FANK1: variants seen among roughly 807,000 people sequenced by gnomAD.
FANK1 encodes the protein fibronectin type 3 and ankyrin repeat domains protein 1.
Under a neutral mutation model 45.3 loss-of-function variants are expected in FANK1, and 44 were observed. That is an observed-to-expected ratio of 0.97 (90% CI 0.76 to 1.25). FANK1 has a LOEUF of 1.25. Ranked by LOEUF, FANK1 falls within the 50% of genes most tolerant of loss-of-function variation. The pLI is 0.00. For synonymous variants in FANK1, 149 were observed against 152.5 expected (o/e 0.98, Z 0.17); for missense variants, 391 against 424.4 (o/e 0.92, Z 0.69).
intron 1 of FANK1, among the ~76,000 whole-genome samples, chr10:125,928,257 G>T (rs11244704): frequency 7.1e-6 from 1 of 141,696 alleles, no homozygotes; most frequent in Non-Finnish European, 1.5e-5. Flanking sequence ...TGGATTATTC[G>T]TGCCTTTTTT....
chr10:125,989,025 T>A lies in FANK1; in HGVS notation c.316+350T>A, dbSNP rs181667605. 1.4e-3 allele frequency among the ~76,000 whole-genome samples: 215 copies of A among 152,296 alleles called. 2 individuals carry two copies. Among genetic ancestry groups the A allele is most frequent in the African/African-American group, 4.9e-3 (203 of 41,554 alleles). On this transcript the variant is annotated intron_variant, in intron 3 of 10. Coordinates refer to ENST00000368693, the MANE Select transcript of FANK1 (RefSeq NM_145235.5). ...GCCAAGCAGGCTGCCTGCCTGAGCG[T>A]CCTTGGGCAAGCAGCTCCATTCAGT...
chr10:125,994,758 G>T (rs1303785435), intron 3 of FANK1: 1 of 985,094 alleles, frequency 1.0e-6, no homozygotes, highest in Non-Finnish European at 1.2e-6. Context: ...TGTTGGCTTC[G>T]CTGTGGAGCT....
chr10:125,992,935 G>A lies in FANK1; in HGVS notation c.317-2482G>A, dbSNP rs114518220. Among the ~76,000 whole-genome samples, 855 of 152,298 alleles carry A rather than the reference G, an allele frequency of 5.6e-3. 6 individuals are homozygous for A. The highest frequency in any genetic ancestry group is 0.02 in the African/African-American group (816 of 41,558). ...TCTGTATTCAAAATTTGGTAAGAATGGAAGCATATAGTGAACTGGTCGATA... is the reference window on the plus strand; with the variant it reads ...TCTGTATTCAAAATTTGGTAAGAATAGAAGCATATAGTGAACTGGTCGATA... On this transcript the variant is annotated intron_variant, in intron 3 of 10. Transcript: ENST00000368693.
intron 1 of FANK1, among the ~76,000 whole-genome samples, chr10:125,898,897 GT>G (rs201482232): frequency 9.2e-4 from 119 of 128,818 alleles, no homozygotes; most frequent in South Asian, 8.5e-3. Flanking sequence ...AAGTTTTGTT[GT>G]TTTTTTTTTT....
At chr10:125,916,585 T>A (rs1440854618) in intron 1 of FANK1, among the ~76,000 whole-genome samples, 1 of 151,994 alleles carries the variant, frequency 6.6e-6, no homozygotes, top group African/African-American at 2.4e-5. Flanking sequence ...TATCTGCAAA[T>A]GAATAAACAA....
At chr10:125,997,626 G>C in intron 6 of FANK1, 141 bp downstream of exon 6, 1 of 719,148 alleles carries the variant, frequency 1.4e-6, no homozygotes, top group South Asian at 2.0e-5. Flanking sequence ...GCTGAGGAAA[G>C]ATGGTGATCA....
At chr10:125,999,266 C>A (rs1193334797) in intron 6 of FANK1, among the ~76,000 whole-genome samples, 1 of 144,438 alleles carries the variant, frequency 6.9e-6, no homozygotes, top group African/African-American at 2.6e-5. Flanking sequence ...GTGGCGCGAT[C>A]TCAGCCCACT....
At chr10:125,992,106 C>T (rs1453542148) in intron 3 of FANK1, among the ~76,000 whole-genome samples, 1 of 152,190 alleles carries the variant, frequency 6.6e-6, no homozygotes, top group Non-Finnish European at 1.5e-5. Flanking sequence ...TATTCAGTTG[C>T]ACTTATTGAT....
At chr10:125,969,833 C>G (rs535361167) in intron 1 of FANK1, among the ~76,000 whole-genome samples, 7 of 152,154 alleles carry the variant, frequency 4.6e-5, no homozygotes, top group African/African-American at 1.7e-4. Flanking sequence ...TGACTCTTAA[C>G]GAGCATGCTG....
Position 126,009,133 on chromosome 10 carries a change from T to TA in FANK1, c.927+5dup, listed in dbSNP as rs916114941. On this transcript the variant is annotated splice_region_variant and intron_variant, in intron 9 of 10. Coordinates refer to ENST00000368693, the MANE Select transcript of FANK1 (RefSeq NM_145235.5). ...GCAGATGCAAGTGTAAAAAATGAGG[T>TA]AAATGAGTCCATCTTTATGTAAAGA... The TA allele has an allele frequency of 5.0e-6, 8 of 1,614,006 alleles. No homozygotes were observed. The highest frequency in any genetic ancestry group is 6.8e-6 in the Non-Finnish European group (8 of 1,179,974).
In FANK1 at chr10:125,896,599, A is replaced by G. The variant is rs750108408; in HGVS notation, c.-44A>G. On this transcript the variant is annotated 5_prime_UTR_variant, in exon 1 of 11. Transcript: ENST00000368693. ...ACGCCGGCCCTGGCTGAGAGGCGTTAGGAGTCCGGGGGTTCGCCCGCGGAG... is the reference window on the plus strand; with the variant it reads ...ACGCCGGCCCTGGCTGAGAGGCGTTGGGAGTCCGGGGGTTCGCCCGCGGAG... The G allele has an allele frequency of 4.3e-5, 54 of 1,270,380 alleles. No individual in the cohort carries two copies. The African/African-American group carries it at 8.1e-4, about 19-fold the overall frequency. The allele number at this position is 1,270,380 out of a possible 1,614,324, so 78.7% of individuals were successfully genotyped here.
At chr10:125,989,014 C>T (rs1268139885) in intron 3 of FANK1, among the ~76,000 whole-genome samples, 7 of 152,188 alleles carry the variant, frequency 4.6e-5, no homozygotes, top group Non-Finnish European at 1.0e-4. Flanking sequence ...AGCAGGCTGC[C>T]TGCCTGAGCG....
chr10:125,952,463 G>A (rs2134168320), intron 1 of FANK1, among the ~76,000 whole-genome samples: 1 of 152,108 alleles, frequency 6.6e-6, no homozygotes, highest in East Asian at 1.9e-4. Flanking sequence ...TCTGAATAAA[G>A]CTGTTTAAAA....
chr10:125,933,890 C>G (rs1033885720), intron 1 of FANK1, among the ~76,000 whole-genome samples: 1 of 152,008 alleles, frequency 6.6e-6, no homozygotes, highest in African/African-American at 2.4e-5. Context: ...CGTTTTTGAC[C>G]CAGTGCTCAT....
chr10:125,919,675 G>GT (rs938103085), intron 1 of FANK1, among the ~76,000 whole-genome samples: 7 of 152,226 alleles, frequency 4.6e-5, no homozygotes, highest in Admixed American at 2.6e-4. Context: ...AGTCTTTGTG[G>GT]AATACACAGG....
At position 126,002,783 on chromosome 10, in the gene FANK1, T is replaced by TTC. The variant is rs58066128; in HGVS notation, c.540-2101_540-2100insTC. Among the ~76,000 whole-genome samples, 5 of 144,472 alleles carry TTC rather than the reference T, an allele frequency of 3.5e-5. No homozygotes were observed. In the South Asian group the frequency reaches 1.1e-3, roughly 32 times the overall value. 94.8% of individuals were successfully genotyped at this position (144,472 alleles called of 152,430 possible). On this transcript the variant is annotated intron_variant, in intron 6 of 10. Transcript: ENST00000368693. ...CTCTCCTTTTTTTTTTTTTTTTTTT[T>TTC]CATTCTTGCTGAACTATTCTGAAAT...
chr10:125,914,336 C>T (rs76532173), intron 1 of FANK1, among the ~76,000 whole-genome samples: 2 of 149,272 alleles, frequency 1.3e-5, no homozygotes, highest in African/African-American at 5.1e-5. Context: ...TTTCTACACC[C>T]CAGCCTCAGG....
intron 7 of FANK1, among the ~76,000 whole-genome samples, chr10:126,007,630 T>TTG (rs71486568): frequency 0.21 from 32,403 of 152,002 alleles, 4,249 homozygotes; most frequent in East Asian, 0.31. Flanking sequence ...CTGTAACAGA[T>TTG]TGTGTGTGTG....
At chr10:125,897,475 A>T (rs1370212175) in intron 1 of FANK1, among the ~76,000 whole-genome samples, 1 of 151,896 alleles carries the variant, frequency 6.6e-6, no homozygotes, top group African/African-American at 2.4e-5. Context: ...TTTATCTAAA[A>T]CCTTTATAGA....
Sources: gnomAD v4.1 joint callset for allele counts (sites outside exome capture counted in the v4.1 genomes callset) on GRCh38, gnomAD v4.1.1 for gene constraint, MANE v1.5 for transcripts, NCBI Gene and HGNC (gene_info 2026-07-23, HGNC 2026-07-21) for gene names.